The following MYBPC1 variants were observed in gnomAD, a reference collection of about 807,000 sequenced individuals.
The protein encoded by MYBPC1 is myosin-binding protein C, slow-type.
In MYBPC1, 52 loss-of-function variants were observed where a neutral mutation model predicts 147.1. The observed-to-expected ratio is 0.35, with a 90% CI of 0.28 to 0.45. The LOEUF (loss-of-function observed/expected upper bound fraction) is 0.45, where lower values mean the gene tolerates loss of function less well. Ranked by LOEUF, MYBPC1 falls within the 20% of genes least tolerant of loss-of-function variation. The pLI, the probability that MYBPC1 is intolerant of heterozygous loss-of-function variation, is 1.00. For synonymous variants in MYBPC1, 477 were observed against 475.9 expected (o/e 1.00, Z -0.03); for missense variants, 1,228 against 1,440.3 (o/e 0.85, Z 2.39).
At chr12:101,640,455 T>C (rs1488717668) in intron 10 of MYBPC1, among the ~76,000 whole-genome samples, 1 of 152,242 alleles carries the variant, frequency 6.6e-6, no homozygotes, top group Non-Finnish European at 1.5e-5. Context: ...AGGACAATTT[T>C]CTTAAGCTTT....
chr12:101,653,152 C>T lies in MYBPC1; in HGVS notation c.1671C>T (p.Asp557=), dbSNP rs1361283300. 5.6e-6 allele frequency: 9 copies of T among 1,614,054 alleles called. No individual in the cohort carries two copies. Among genetic ancestry groups the T allele is most frequent in the Middle Eastern group, 1.6e-4 (1 of 6,062 alleles). Residue 557 remains aspartate (D), a synonymous_variant, in exon 18 of 32, where the codon GAC becomes GAT. Coordinates refer to ENST00000361466, the MANE Select transcript of MYBPC1 (RefSeq NM_002465.4). ...TCATCCTGGATGGTCTTGATGCTGA[C>T]AACACAGTGACAGTGATTGCAGGAA... is the stretch of plus-strand genomic sequence containing the variant. ...PKIILDGLDA[D]NTVTVIAGNK... is the part of the protein sequence containing the mutation.
chr12:101,641,634 T>C (rs1419878733), intron 10 of MYBPC1, among the ~76,000 whole-genome samples: 1 of 152,206 alleles, frequency 6.6e-6, no homozygotes, highest in Non-Finnish European at 1.5e-5. Context: ...CTTCACAGTT[T>C]AACATTTGTA....
chr12:101,632,645 A>G (rs977302711), intron 8 of MYBPC1, among the ~76,000 whole-genome samples: 11 of 152,268 alleles, frequency 7.2e-5, no homozygotes, highest in Admixed American at 4.6e-4. Context: ...ACAAGTATAC[A>G]AAGGAAAAGT....
chr12:101,663,881 T>C (rs1008760473), intron 22 of MYBPC1, among the ~76,000 whole-genome samples: 1 of 152,156 alleles, frequency 6.6e-6, no homozygotes, highest in African/African-American at 2.4e-5. Flanking sequence ...ACCACAGCAA[T>C]ATAAAAGTCT....
chr12:101,628,134 C>T, intron 5 of MYBPC1: 1 of 329,546 alleles, frequency 3.0e-6, no homozygotes, highest in Non-Finnish European at 5.9e-6. Flanking sequence ...ACTTTACATA[C>T]AGATAATAAA....
chr12:101,677,132 T>C, intron 26 of MYBPC1, 103 bp from the exon 27 acceptor site: 1 of 1,178,488 alleles, frequency 8.5e-7, no homozygotes, highest in South Asian at 1.4e-5. Flanking sequence ...TCTTTTTTTC[T>C]TTTTGTTAAT....
chr12:101,683,562 C>T (rs1350612428), intron 30 of MYBPC1, among the ~76,000 whole-genome samples: 4 of 152,130 alleles, frequency 2.6e-5, no homozygotes, highest in South Asian at 2.1e-4. Context: ...AATTATTTCA[C>T]GTTTATGAAC....
At chr12:101,616,461 A>C (rs1360273926) in intron 2 of MYBPC1, among the ~76,000 whole-genome samples, 1 of 152,182 alleles carries the variant, frequency 6.6e-6, no homozygotes, top group African/African-American at 2.4e-5. Context: ...CTCCTCCCAA[A>C]TTCTGCTAAA....
At chr12:101,631,766 T>C in intron 7 of MYBPC1, 47 bp downstream of exon 7, 3 of 1,611,610 alleles carry the variant, frequency 1.9e-6, no homozygotes, top group South Asian at 1.1e-5. Context: ...GCGCATTCCT[T>C]CTATGTGAAT....
In MYBPC1 at chr12:101,663,437, C is replaced by T. The variant is rs1378767097; in HGVS notation, c.2233C>T (p.Pro745Ser). The T allele has an allele frequency of 1.2e-6, 2 of 1,613,454 alleles. No homozygotes were observed. Among genetic ancestry groups the T allele is most frequent in the Admixed American group, 3.3e-5 (2 of 59,992 alleles). The change falls in exon 22 of 32, where the codon CCT becomes TCT. Residue 745 changes from proline to serine, a missense_variant. Pro to Ser is a moderately conservative substitution (Grantham distance 74). Coordinates refer to ENST00000361466, the MANE Select transcript of MYBPC1 (RefSeq NM_002465.4). Reference sequence around the variant, plus strand: ...CTTTTATCTTTAAGCTGTAACAAGCCCTCCTACTCTTCTGACTGTGGACTC... The same window carrying T: ...CTTTTATCTTTAAGCTGTAACAAGCTCTCCTACTCTTCTGACTGTGGACTC... ...RPFVPLAVTS[P>S]PTLLTVDSVT... is the part of the protein sequence containing the mutation.
At chr12:101,610,331 C>T (rs1406727599) in intron 1 of MYBPC1, among the ~76,000 whole-genome samples, 1 of 152,130 alleles carries the variant, frequency 6.6e-6, no homozygotes, top group African/African-American at 2.4e-5. Context: ...AAAATTGCAT[C>T]GAGCTCAACT....
In MYBPC1 at chr12:101,633,715, G is replaced by C. The variant is rs151210515; in HGVS notation, c.557-839G>C. On this transcript the variant is annotated intron_variant, in intron 8 of 31. Transcript: ENST00000361466. ...AAAAAAAAAAAAGGACGAGCTCTTC[G>C]GTTAAAGCTATATAGACAGCCCAGG... Among the ~76,000 whole-genome samples, 1,199 of 151,564 alleles carry C rather than the reference G, an allele frequency of 7.9e-3. 7 individuals carry two copies. The highest frequency in any genetic ancestry group is 0.012 in the Non-Finnish European group (829 of 67,830).
In MYBPC1 at chr12:101,598,497, A is replaced by C. The variant is rs141553574; in HGVS notation, c.25+3402A>C. On this transcript the variant is annotated intron_variant, in intron 1 of 31. Coordinates refer to ENST00000361466, the MANE Select transcript of MYBPC1 (RefSeq NM_002465.4). ...TTCCTCAGAATTTTACCTCTGGAATATGTAATGATTAAAACCATAAAGCCT... is the reference window on the plus strand; with the variant it reads ...TTCCTCAGAATTTTACCTCTGGAATCTGTAATGATTAAAACCATAAAGCCT... Among the ~76,000 whole-genome samples, 12 of 152,380 alleles carry C rather than the reference A, an allele frequency of 7.9e-5. No individual in the cohort carries two copies. In the East Asian group the frequency reaches 2.3e-3, roughly 29 times the overall value.
intron 1 of MYBPC1, among the ~76,000 whole-genome samples, chr12:101,598,656 C>T (rs1295910717): frequency 3.3e-5 from 5 of 152,186 alleles, no homozygotes; most frequent in African/African-American, 1.2e-4. Context: ...TCACTGCAAA[C>T]TCTGCCTCCC....
chr12:101,615,055 A>T (rs1375307345), intron 2 of MYBPC1: 1 of 186,764 alleles, frequency 5.4e-6, no homozygotes, highest in Non-Finnish European at 1.1e-5. Context: ...GTGAGGACCA[A>T]CTTCTTGAGT....
Position 101,662,344 on chromosome 12 carries a change from T to G in MYBPC1, c.2033-14T>G. Reference sequence around the variant, plus strand: ...CCAAGGAAAAACCTTAGTTTTCATTTTGCATACCTGCAGGATATTTTATTG... The same window carrying G: ...CCAAGGAAAAACCTTAGTTTTCATTGTGCATACCTGCAGGATATTTTATTG... On this transcript the variant is annotated splice_polypyrimidine_tract_variant and intron_variant, in intron 20 of 31. Transcript: ENST00000361466. 6.2e-7 allele frequency: 1 copy of G among 1,614,010 alleles called. No individual in the cohort carries two copies. Among genetic ancestry groups the G allele is most frequent in the Non-Finnish European group, 8.5e-7 (1 of 1,179,902 alleles).
chr12:101,602,336 T>C (rs931645308), intron 1 of MYBPC1, among the ~76,000 whole-genome samples: 8 of 152,186 alleles, frequency 5.3e-5, no homozygotes, highest in African/African-American at 1.9e-4. Context: ...TACCTCAGCC[T>C]CCTGAGTAGC....
intron 28 of MYBPC1, 133 bp downstream of exon 28, chr12:101,678,371 G>C (rs1380772163): frequency 7.7e-7 from 1 of 1,306,508 alleles, no homozygotes; most frequent in East Asian, 2.3e-5. Context: ...GGTGGTAGTG[G>C]TGGTAGATTA....
intron 3 of MYBPC1, among the ~76,000 whole-genome samples, chr12:101,619,276 T>C (rs2135893882): frequency 6.6e-6 from 1 of 152,226 alleles, no homozygotes. Flanking sequence ...TTGAACAGCT[T>C]TCTCCTGACC....
Sources: allele counts gnomAD v4.1 joint callset (sites outside exome capture counted in the v4.1 genomes callset), GRCh38; gene constraint gnomAD v4.1.1; transcripts MANE v1.5; gene names NCBI Gene and HGNC (gene_info 2026-07-23, HGNC 2026-07-21).